The following MGAT5 variants were observed in gnomAD, a reference collection of about 807,000 sequenced individuals.
MGAT5 encodes the protein alpha-1,6-mannosylglycoprotein 6-beta-N-acetylglucosaminyltransferase, also known as alpha-1,6-mannosylglycoprotein 6-beta-N-acetylglucosaminyltransferase A.
MGAT5 carries 30 observed loss-of-function variants against 94.3 expected under a neutral mutation model. The observed-to-expected ratio is 0.32, with a 90% CI of 0.24 to 0.43. The LOEUF is 0.43. Ranked by LOEUF, MGAT5 falls within the 20% of genes least tolerant of loss-of-function variation. The pLI, the probability that MGAT5 is intolerant of heterozygous loss-of-function variation, is 1.00. For synonymous variants in MGAT5, 310 were observed against 322.9 expected, an observed-to-expected ratio of 0.96 and a Z score of 0.43; for missense variants, 691 against 905.5, an observed-to-expected ratio of 0.76 and a Z score of 3.04.
intron 1 of MGAT5, among the ~76,000 whole-genome samples, chr2:134,243,560 G>A (rs1682079305): frequency 6.6e-6 from 1 of 152,160 alleles, no homozygotes; most frequent in Non-Finnish European, 1.5e-5. Context: ...TGACTTTTAT[G>A]ACTCTGGGTC....
chr2:134,430,680 T>C (rs1479119438), intron 14 of MGAT5, among the ~76,000 whole-genome samples: 2 of 143,746 alleles, frequency 1.4e-5, no homozygotes, highest in Non-Finnish European at 3.0e-5. Context: ...CCCCACCATA[T>C]AGGCCTTTCT....
At chr2:134,335,881 A>G (rs759645793) in intron 4 of MGAT5, among the ~76,000 whole-genome samples, 2 of 152,170 alleles carry the variant, frequency 1.3e-5, no homozygotes, top group Admixed American at 6.6e-5. Context: ...CCCAGTGGCA[A>G]TGTTTCAGTC....
At chr2:134,314,040 A>G (rs1163327656) in intron 2 of MGAT5, among the ~76,000 whole-genome samples, 2 of 152,362 alleles carry the variant, frequency 1.3e-5, no homozygotes, top group East Asian at 3.9e-4. Context: ...GATAGAAACA[A>G]AATGAGGAGC....
intron 2 of MGAT5, among the ~76,000 whole-genome samples, chr2:134,307,162 A>T (rs1686375525): frequency 6.6e-6 from 1 of 152,194 alleles, no homozygotes; most frequent in African/African-American, 2.4e-5. Context: ...TGGATGTTAA[A>T]GAGACTATTT....
chr2:134,394,708 A>G (rs1682608763), intron 10 of MGAT5, among the ~76,000 whole-genome samples: 1 of 152,134 alleles, frequency 6.6e-6, no homozygotes. Flanking sequence ...TTTAATTTTC[A>G]GAGGAAGCCC....
intron 1 of MGAT5, among the ~76,000 whole-genome samples, chr2:134,186,346 G>C (rs1207342540): frequency 6.6e-6 from 1 of 151,994 alleles, no homozygotes; most frequent in Non-Finnish European, 1.5e-5. Flanking sequence ...AGCCAGAGGG[G>C]ATAGTCAAGG....
At chr2:134,347,563 G>T (rs1047109233) in intron 8 of MGAT5, among the ~76,000 whole-genome samples, 1 of 152,048 alleles carries the variant, frequency 6.6e-6, no homozygotes, top group African/African-American at 2.4e-5. Flanking sequence ...CACATCAACG[G>T]ATCAACCGCA....
intron 4 of MGAT5, among the ~76,000 whole-genome samples, chr2:134,323,491 C>T (rs1203485220): frequency 6.6e-6 from 1 of 152,070 alleles, no homozygotes; most frequent in African/African-American, 2.4e-5. Context: ...AACCTCTTGC[C>T]AACTCTAAAG....
chr2:134,381,843 G>C (rs988435387), intron 10 of MGAT5, among the ~76,000 whole-genome samples: 1 of 152,174 alleles, frequency 6.6e-6, no homozygotes, highest in African/African-American at 2.4e-5. Flanking sequence ...TAATTCTTTA[G>C]AAGTTGATTT....
At chr2:134,146,558 T>TA (rs11323114) in intron 1 of MGAT5, among the ~76,000 whole-genome samples, 4,137 of 147,538 alleles carry the variant, frequency 0.028, 187 homozygotes, top group African/African-American at 0.095. Flanking sequence ...GGACCCTATT[T>TA]AAAAAAAAAA....
intron 1 of MGAT5, among the ~76,000 whole-genome samples, chr2:134,125,130 A>C (rs1465861030): frequency 6.6e-6 from 1 of 152,054 alleles, no homozygotes; most frequent in Non-Finnish European, 1.5e-5. Flanking sequence ...GTAGACAAGA[A>C]AATAGGAATG....
chr2:134,258,696 A>G (rs1268772869), intron 1 of MGAT5, among the ~76,000 whole-genome samples: 1 of 152,250 alleles, frequency 6.6e-6, no homozygotes, highest in Non-Finnish European at 1.5e-5. Context: ...AGGTGCACAC[A>G]TAAAATGTAG....
chr2:134,204,942 A>G (rs144949104), intron 1 of MGAT5, among the ~76,000 whole-genome samples: 1 of 152,306 alleles, frequency 6.6e-6, no homozygotes, highest in Non-Finnish European at 1.5e-5. Context: ...GGCTAGGGTG[A>G]TAACTGAAAA....
intron 10 of MGAT5, among the ~76,000 whole-genome samples, chr2:134,387,457 C>T (rs932159822): frequency 6.7e-6 from 1 of 148,860 alleles, no homozygotes; most frequent in Admixed American, 6.7e-5. Context: ...GGACCTTAAG[C>T]AAGTTTCTGG....
chr2:134,138,334 A>G (rs1686513539), intron 1 of MGAT5, among the ~76,000 whole-genome samples: 1 of 152,048 alleles, frequency 6.6e-6, no homozygotes, highest in African/African-American at 2.4e-5. Context: ...ATTCACTCAG[A>G]CTGTTTCATA....
intron 12 of MGAT5, among the ~76,000 whole-genome samples, chr2:134,417,326 T>G (rs1379223142): frequency 6.6e-6 from 1 of 152,190 alleles, no homozygotes; most frequent in East Asian, 1.9e-4. Flanking sequence ...CATAGTATTA[T>G]CTAAACTACA....
intron 2 of MGAT5, among the ~76,000 whole-genome samples, chr2:134,315,777 G>A (rs772175943): frequency 3.0e-4 from 45 of 152,194 alleles, no homozygotes; most frequent in Non-Finnish European, 5.7e-4. Context: ...GACAAGCCAA[G>A]TAACCTCCAT....
chr2:134,427,495 C>A (rs1301626974), intron 13 of MGAT5, among the ~76,000 whole-genome samples: 1 of 152,144 alleles, frequency 6.6e-6, no homozygotes, highest in Non-Finnish European at 1.5e-5. Context: ...GTTTCCTACT[C>A]CCCTCAAATA....
At chr2:134,401,449 G>C (rs982307928) in intron 10 of MGAT5, among the ~76,000 whole-genome samples, 2 of 152,084 alleles carry the variant, frequency 1.3e-5, no homozygotes, top group Non-Finnish European at 2.9e-5. Flanking sequence ...CTAGGAGTGG[G>C]TCCCCTCAGG....
Sources: allele counts gnomAD v4.1 joint callset (sites outside exome capture counted in the v4.1 genomes callset), GRCh38; gene constraint gnomAD v4.1.1; transcripts MANE v1.5; gene names NCBI Gene and HGNC (gene_info 2026-07-23, HGNC 2026-07-21).